Variants in CLIP2 observed in about 807,000 individuals in gnomAD.
CLIP2 encodes CAP-Gly domain-containing linker protein 2.
In CLIP2, 41 loss-of-function variants were observed where a neutral mutation model predicts 111.7. The ratio of observed to expected loss-of-function variants is 0.37; its 90% CI spans 0.29 to 0.48. The LOEUF (loss-of-function observed/expected upper bound fraction) is 0.48, where lower values mean the gene tolerates loss of function less well. Among genes scored for constraint, CLIP2 ranks in the 20% least tolerant of loss-of-function variants. CLIP2 has a pLI of 0.99. For synonymous variants in CLIP2, 660 were observed against 644.2 expected, an observed-to-expected ratio of 1.02 and a Z score of -0.37; for missense variants, 1,160 against 1,422.1, an observed-to-expected ratio of 0.82 and a Z score of 2.96.
intron 13 of CLIP2, among the ~76,000 whole-genome samples, chr7:74,394,250 T>C (rs532104078): frequency 6.9e-6 from 1 of 145,520 alleles, no homozygotes; most frequent in Non-Finnish European, 1.5e-5. Context: ...TTCTTATTTT[T>C]TTTTTTTTTT....
At position 74,322,444 on chromosome 7, in the gene CLIP2, A is replaced by G. The variant is rs568551766; in HGVS notation, c.121+4777A>G. ...AACATGGCGAAACCCCATCTCTACT[A>G]AAAATACAAAAAAATTAGCCTGGCA... On this transcript the variant is annotated intron_variant, in intron 2 of 16. Coordinates refer to ENST00000223398, the MANE Select transcript of CLIP2 (RefSeq NM_003388.5). Among the ~76,000 whole-genome samples the G allele has an allele frequency of 5.3e-5, 8 of 152,096 alleles. No individual in the cohort carries two copies. The East Asian group carries it at 1.6e-3, about 30-fold the overall frequency.
chr7:74,355,197 G>A lies in CLIP2; in HGVS notation c.803+1193G>A, dbSNP rs181599808. Among the ~76,000 whole-genome samples, 419 of 152,270 alleles carry A rather than the reference G, an allele frequency of 2.8e-3. 3 individuals carry two copies. Among genetic ancestry groups the A allele is most frequent in the Non-Finnish European group, 1.1e-3 (72 of 68,028 alleles). ...TGGACCAGGCCTCGAAAGAAGGTAG[G>A]GTTTCCTTTTGGAAGAGGCTTGAGA... On this transcript the variant is annotated intron_variant, in intron 4 of 16. Transcript: ENST00000223398.
rs559023689 is a variant in CLIP2 at position 74,381,028 on chromosome 7, C to T, written c.2479+165C>T. The stretch of plus-strand genomic sequence containing the variant: ...TCCTGCAAGGGAGGAGGCCAGTTTA[C>T]GGAGGGATAGGCATTGCACCAGCCT... On this transcript the variant is annotated intron_variant, in intron 11 of 16. Coordinates refer to ENST00000223398, the MANE Select transcript of CLIP2 (RefSeq NM_003388.5). 1.1e-4 allele frequency: 70 copies of T among 618,338 alleles called. No homozygotes were observed. The South Asian group carries it at 1.2e-3, about 11-fold the overall frequency. 38.3% of individuals were successfully genotyped at this position (618,338 alleles called of 1,614,324 possible).
chr7:74,392,654 C>T (rs1791325549), intron 13 of CLIP2, among the ~76,000 whole-genome samples: 1 of 152,032 alleles, frequency 6.6e-6, no homozygotes, highest in Non-Finnish European at 1.5e-5. Context: ...TGATGAAACC[C>T]CATATCTACT....
intron 10 of CLIP2, 92 bp from the exon 11 acceptor site, chr7:74,380,714 G>A (rs1256377735): frequency 3.4e-5 from 34 of 1,001,504 alleles, no homozygotes; most frequent in African/African-American, 9.6e-5. Flanking sequence ...TAGGAGTAGG[G>A]TGTGCAAACT....
intron 9 of CLIP2, among the ~76,000 whole-genome samples, chr7:74,374,969 C>G (rs1416534838): frequency 6.6e-6 from 1 of 152,106 alleles, no homozygotes; most frequent in Non-Finnish European, 1.5e-5. Flanking sequence ...TGGCCACTGC[C>G]TCCAGCCAGC....
At chr7:74,354,918 C>G (rs1790105624) in intron 4 of CLIP2, among the ~76,000 whole-genome samples, 1 of 152,156 alleles carries the variant, frequency 6.6e-6, no homozygotes, top group Admixed American at 6.6e-5. Flanking sequence ...CAGATGGGTT[C>G]CAGGTCTCAC....
intron 14 of CLIP2, among the ~76,000 whole-genome samples, chr7:74,399,926 G>A (rs1017637201): frequency 9.9e-5 from 15 of 151,350 alleles, no homozygotes; most frequent in South Asian, 4.2e-4. Context: ...AAGCCGAGGC[G>A]GGTGGATCAC....
chr7:74,404,196 G>A lies in CLIP2; in HGVS notation c.*348G>A, dbSNP rs1383286298. The A allele has an allele frequency of 1.7e-5, 5 of 298,298 alleles. No homozygotes were observed. Among genetic ancestry groups the A allele is most frequent in the East Asian group, 6.8e-5 (1 of 14,812 alleles). 18.5% of individuals were successfully genotyped at this position (298,298 alleles called of 1,614,324 possible). ...GAGCTGCCCTGAGGACCATCTTAGC[G>A]GCCCTGTCCTCTTTTTCCGCCCATT... On this transcript the variant is annotated 3_prime_UTR_variant, in exon 17 of 17. Coordinates refer to ENST00000223398, the MANE Select transcript of CLIP2 (RefSeq NM_003388.5).
chr7:74,331,558 CTTTCTTTT>C (rs1789279950), intron 2 of CLIP2, among the ~76,000 whole-genome samples: 1 of 127,068 alleles, frequency 7.9e-6, no homozygotes, highest in Non-Finnish European at 1.7e-5. Flanking sequence ...TTCTTTCTTT[CTTTCTTTT>C]TTTTTTTTTT....
chr7:74,359,298 A>G (rs1259262453), intron 6 of CLIP2, among the ~76,000 whole-genome samples: 1 of 136,852 alleles, frequency 7.3e-6, no homozygotes, highest in Non-Finnish European at 1.5e-5. Flanking sequence ...ATATCACTGC[A>G]GTAAACTTTT....
In CLIP2 at chr7:74,338,029, A is replaced by G. The variant is rs1304302147; in HGVS notation, c.122-419A>G. On this transcript the variant is annotated intron_variant, in intron 2 of 16. Transcript: ENST00000223398. The surrounding 1 kb of genome is among the most constrained non-coding windows in gnomAD (Gnocchi z 4.3). Reference sequence around the variant, plus strand: ...CTGCCTCGGTTTCCATGGCAAGACCATGTCTCTACAAAAAAATACAAAAAT... The same window carrying G: ...CTGCCTCGGTTTCCATGGCAAGACCGTGTCTCTACAAAAAAATACAAAAAT... Among the ~76,000 whole-genome samples the G allele has an allele frequency of 6.6e-6, 1 of 152,018 alleles. No individual in the cohort carries two copies. Among genetic ancestry groups the G allele is most frequent in the Non-Finnish European group, 1.5e-5 (1 of 68,000 alleles).
At chr7:74,317,808 C>A (rs1164129463) in intron 2 of CLIP2, 141 bp downstream of exon 2, 5 of 1,097,460 alleles carry the variant, frequency 4.6e-6, no homozygotes, top group Admixed American at 3.2e-5. Flanking sequence ...TGTAATGGGG[C>A]CTGATCAACA....
chr7:74,317,230 A>G (rs1429036574), intron 1 of CLIP2, among the ~76,000 whole-genome samples: 1 of 152,184 alleles, frequency 6.6e-6, no homozygotes, highest in Non-Finnish European at 1.5e-5. Flanking sequence ...ACACCAGGAT[A>G]TAAGAGGGTA....
chr7:74,349,737 C>A (rs75858738), intron 3 of CLIP2, among the ~76,000 whole-genome samples: 8,414 of 150,814 alleles, frequency 0.056, 579 homozygotes, highest in East Asian at 0.36. Flanking sequence ...TCTTAGCCTC[C>A]GGAGTACCTG....
chr7:74,292,847 C>G lies in CLIP2; in HGVS notation c.-68+3113C>G, dbSNP rs191162783. Among the ~76,000 whole-genome samples, 7 of 152,324 alleles carry G rather than the reference C, an allele frequency of 4.6e-5. No homozygotes were observed. In the South Asian group the frequency reaches 1.5e-3, roughly 32 times the overall value. On this transcript the variant is annotated intron_variant, in intron 1 of 16. Coordinates refer to ENST00000223398, the MANE Select transcript of CLIP2 (RefSeq NM_003388.5). ...GTATGCCTGGGAGGCATGCTTCCTT[C>G]GGCCACACCATTCTACCCACCCTCT...
At chr7:74,322,617 C>T (rs1294354404) in intron 2 of CLIP2, among the ~76,000 whole-genome samples, 2 of 151,946 alleles carry the variant, frequency 1.3e-5, no homozygotes, top group Non-Finnish European at 2.9e-5. Flanking sequence ...TTATATTGAC[C>T]AGGATGCACC....
intron 10 of CLIP2, among the ~76,000 whole-genome samples, chr7:74,379,748 GGAGT>G (rs1308537024): frequency 1.3e-5 from 2 of 151,522 alleles, no homozygotes; most frequent in Non-Finnish European, 2.9e-5. Flanking sequence ...CCTGGGCGAC[GGAGT>G]GAGACTCCAT....
At chr7:74,313,885 G>A (rs1554728810) in intron 1 of CLIP2, among the ~76,000 whole-genome samples, 1 of 152,024 alleles carries the variant, frequency 6.6e-6, no homozygotes, top group Non-Finnish European at 1.5e-5. Context: ...TATGAACCAA[G>A]GATGGGGAAA....
Sources: gnomAD v4.1 joint callset for allele counts (sites outside exome capture counted in the v4.1 genomes callset) on GRCh38, gnomAD v4.1.1 for gene constraint, Gnocchi (gnomAD v3.1) non-coding constraint, MANE v1.5 for transcripts, NCBI Gene and HGNC (gene_info 2026-07-23, HGNC 2026-07-21) for gene names.